The following ACBD3 variants were observed in gnomAD, a reference collection of about 807,000 sequenced individuals.
ACBD3 encodes Golgi resident protein GCP60.
Under a neutral mutation model 66.9 loss-of-function variants are expected in ACBD3, and 30 were observed. The ratio of observed to expected loss-of-function variants is 0.45; its 90% CI spans 0.34 to 0.61. The LOEUF is 0.61. ACBD3 is among the 20% of genes least tolerant of loss of function. ACBD3 has a pLI of 0.02. For synonymous variants in ACBD3, 278 were observed against 259.8 expected (o/e 1.07, Z -0.68); for missense variants, 544 against 664.5 (o/e 0.82, Z 1.99).
chr1:226,161,607 C>G lies in ACBD3; in HGVS notation c.652G>C (p.Glu218Gln). ...TCCTCCCGTCGAAGCCTTTCCTCTTCTTCTCTCCTACGTTTCTCTTCCTCC... is the reference window on the plus strand; with the variant it reads ...TCCTCCCGTCGAAGCCTTTCCTCTTGTTCTCTCCTACGTTTCTCTTCCTCC... ...QKEEEKRRRE[E>Q]EERLRREEEE... Residue 218 changes from glutamate (E) to glutamine (Q), a missense_variant, in exon 4 of 8, where the codon GAA becomes CAA. This residue lies in a region of ACBD3 where 383 missense variants were observed against 462.4 expected (regional missense o/e 0.83). Transcript: ENST00000366812. The G allele has an allele frequency of 1.2e-6, 2 of 1,614,068 alleles. No homozygotes were observed. The highest frequency in any genetic ancestry group is 1.7e-6 in the Non-Finnish European group (2 of 1,180,008).
chr1:226,182,765 C>T (rs190209968), intron 1 of ACBD3, among the ~76,000 whole-genome samples: 1 of 152,194 alleles, frequency 6.6e-6, no homozygotes, highest in African/African-American at 2.4e-5. Context: ...GGCCTTCCCC[C>T]CTCTGGAATG....
chr1:226,155,261 T>C (rs1266309030), intron 5 of ACBD3, among the ~76,000 whole-genome samples: 2 of 151,812 alleles, frequency 1.3e-5, no homozygotes, highest in East Asian at 1.9e-4. Context: ...CTACTAAAAA[T>C]ACAAAATTAG....
At position 226,186,302 on chromosome 1, in the gene ACBD3, G is replaced by C. The variant is rs1263373438; in HGVS notation, c.286+88C>G. 6.4e-6 allele frequency: 9 copies of C among 1,410,420 alleles called. No homozygotes were observed. In the Admixed American group the frequency reaches 2.0e-4, roughly 32 times the overall value. 87.4% of individuals were successfully genotyped at this position (1,410,420 alleles called of 1,614,324 possible). On this transcript the variant is annotated intron_variant, in intron 1 of 7. Coordinates refer to ENST00000366812, the MANE Select transcript of ACBD3 (RefSeq NM_022735.4). Reference sequence around the variant, plus strand: ...GCCCAGTATGAGTGGGTGAGGGCAAGTCTGGTCCAGTCACCCTGGGGACCA... The same window carrying C: ...GCCCAGTATGAGTGGGTGAGGGCAACTCTGGTCCAGTCACCCTGGGGACCA...
At chr1:226,154,623 G>T in intron 6 of ACBD3, 24 bp downstream of exon 6, 1 of 1,595,446 alleles carries the variant, frequency 6.3e-7, no homozygotes, top group Non-Finnish European at 8.5e-7. Flanking sequence ...ATGACATCTG[G>T]ACAAACACAT....
At chr1:226,174,046 A>T (rs1377833684) in intron 1 of ACBD3, among the ~76,000 whole-genome samples, 3 of 151,946 alleles carry the variant, frequency 2.0e-5, no homozygotes, top group Non-Finnish European at 4.4e-5. Flanking sequence ...TTACAGTGTG[A>T]GCCACCGCAC....
Position 226,146,426 on chromosome 1 carries a change from C to T in ACBD3, c.*184G>A. The T allele has an allele frequency of 1.7e-6, 1 of 594,934 alleles. No homozygotes were observed. The highest frequency in any genetic ancestry group is 2.9e-6 in the Non-Finnish European group (1 of 340,388). 36.9% of individuals were successfully genotyped at this position (594,934 alleles called of 1,614,324 possible). On this transcript the variant is annotated 3_prime_UTR_variant, in exon 8 of 8. Coordinates refer to ENST00000366812, the MANE Select transcript of ACBD3 (RefSeq NM_022735.4). ...GATGAGTCTGAGGAATCTCCTTTAA[C>T]CCCAAAGTATGAATGCTAAAGAGTC...
intron 1 of ACBD3, among the ~76,000 whole-genome samples, chr1:226,181,180 G>C (rs1292390955): frequency 6.6e-6 from 1 of 151,902 alleles, no homozygotes; most frequent in East Asian, 1.9e-4. Context: ...TATGTCTAAA[G>C]GTAAAGATAA....
chr1:226,161,678 T>C lies in ACBD3; in HGVS notation c.581A>G (p.Glu194Gly), dbSNP rs1332343006. Residue 194 changes from glutamate (E) to glycine (G), a missense_variant, in exon 4 of 8, where the codon GAG (glutamate) becomes GGG (glycine). Physicochemically the swap from Glu to Gly is moderately conservative, Grantham distance 98. This residue lies in a region of ACBD3 where 383 missense variants were observed against 462.4 expected (regional missense o/e 0.83). Coordinates refer to ENST00000366812, the MANE Select transcript of ACBD3 (RefSeq NM_022735.4). ...EEQEKKRKEEEERRRREEEER... is the reference protein window; with the variant it reads ...EEQEKKRKEEGERRRREEEER... ...TTCCTCTTCACGCCGCCTTCGCTCC[T>C]CTTCCTCCTTCCTACAAGGCAAAGA... 1 of 1,593,784 alleles carries C rather than the reference T, an allele frequency of 6.3e-7. No homozygotes were observed.
Position 226,177,361 on chromosome 1 carries a change from CT to C in ACBD3, c.286+9028del, listed in dbSNP as rs376001082. On this transcript the variant is annotated intron_variant, in intron 1 of 7. Transcript: ENST00000366812. ...TACAGGTGGCCACCACCACTCTTGG[CT>C]TTTTTTTTTTTTTTAAGTAGAGACG... Among the ~76,000 whole-genome samples, 268 of 138,042 alleles carry C rather than the reference CT, an allele frequency of 1.9e-3. 1 individual carries two copies. The highest frequency in any genetic ancestry group is 3.3e-3 in the South Asian group (14 of 4,228). 90.6% of individuals were successfully genotyped at this position (138,042 alleles called of 152,430 possible). A position where few individuals can be genotyped will look rare whatever the true frequency, so the allele number is the denominator to read the frequency against.
chr1:226,165,143 C>T (rs759214844), intron 2 of ACBD3, among the ~76,000 whole-genome samples: 3 of 151,944 alleles, frequency 2.0e-5, no homozygotes, highest in Non-Finnish European at 4.4e-5. Context: ...CTGATGATTC[C>T]CATATAGCAA....
intron 1 of ACBD3, among the ~76,000 whole-genome samples, chr1:226,179,626 G>C (rs1045919064): frequency 6.6e-6 from 1 of 152,204 alleles, no homozygotes; most frequent in African/African-American, 2.4e-5. Flanking sequence ...GAGAGGCCGG[G>C]TGGGCAGATC....
At chr1:226,176,934 C>T (rs1656048521) in intron 1 of ACBD3, among the ~76,000 whole-genome samples, 1 of 152,132 alleles carries the variant, frequency 6.6e-6, no homozygotes, top group Non-Finnish European at 1.5e-5. Flanking sequence ...TGTTTATTAA[C>T]TGCTTTCGAA....
intron 7 of ACBD3, 149 bp downstream of exon 7, chr1:226,152,186 T>C: frequency 8.9e-7 from 1 of 1,127,540 alleles, no homozygotes; most frequent in Non-Finnish European, 1.3e-6. Flanking sequence ...CCTCATAACA[T>C]TTTCAGCCCA....
chr1:226,179,471 A>C (rs1432752205), intron 1 of ACBD3, among the ~76,000 whole-genome samples: 2 of 152,154 alleles, frequency 1.3e-5, no homozygotes, highest in African/African-American at 2.4e-5. Context: ...ATTTCCACCA[A>C]AGCAGCCTAA....
intron 1 of ACBD3, among the ~76,000 whole-genome samples, chr1:226,177,887 T>A (rs970428074): frequency 7.9e-5 from 12 of 151,912 alleles, no homozygotes; most frequent in African/African-American, 2.7e-4. Context: ...GGGCTACAGG[T>A]ACAAGCCACC....
chr1:226,182,018 C>T (rs1271380319), intron 1 of ACBD3, among the ~76,000 whole-genome samples: 1 of 151,774 alleles, frequency 6.6e-6, no homozygotes, highest in African/African-American at 2.4e-5. Context: ...ATCGCTTGAG[C>T]TCAGGAGCTA....
intron 5 of ACBD3, among the ~76,000 whole-genome samples, chr1:226,156,821 C>T (rs1659682323): frequency 6.6e-6 from 1 of 152,174 alleles, no homozygotes; most frequent in Non-Finnish European, 1.5e-5. Context: ...ACATTCACTG[C>T]ATGACAGGAA....
chr1:226,144,905 A>G lies in ACBD3; in HGVS notation c.*1705T>C, dbSNP rs1489960730. 1 of 152,626 alleles carries G rather than the reference A, an allele frequency of 6.6e-6. No individual in the cohort carries two copies. Among genetic ancestry groups the G allele is most frequent in the African/African-American group, 2.4e-5 (1 of 41,458 alleles). The allele number at this position is 152,626 out of a possible 1,614,324, so 9.5% of individuals were successfully genotyped here. On this transcript the variant is annotated 3_prime_UTR_variant, in exon 8 of 8. Coordinates refer to ENST00000366812, the MANE Select transcript of ACBD3 (RefSeq NM_022735.4). The stretch of plus-strand genomic sequence containing the variant: ...TTCATCTTAACATGTGCAAGGACAA[A>G]TTTGTAATCAAAGGCTGGAAGAAAT...
At chr1:226,166,990 C>A (rs1558128065) in intron 1 of ACBD3, among the ~76,000 whole-genome samples, 1 of 151,850 alleles carries the variant, frequency 6.6e-6, no homozygotes, top group South Asian at 2.1e-4. Context: ...GAGACGATGT[C>A]TTACAATGTT....
Sources: allele counts gnomAD v4.1 joint callset (sites outside exome capture counted in the v4.1 genomes callset), GRCh38; gene constraint gnomAD v4.1.1; regional missense constraint gnomAD v4.1.1; transcripts MANE v1.5; gene names NCBI Gene and HGNC (gene_info 2026-07-23, HGNC 2026-07-21).